The following OR52N4 variants were observed in gnomAD, a reference collection of about 807,000 sequenced individuals.
The protein encoded by OR52N4 is olfactory receptor family 52 subfamily N member 4.
OR52N4 carries 15 observed loss-of-function variants against 15.0 expected under a neutral mutation model. That is an observed-to-expected ratio of 1.00 (90% confidence interval 0.67 to 1.54). The LOEUF is 1.54. Ranked by LOEUF, OR52N4 falls within the 40% of genes most tolerant of loss-of-function variation. OR52N4 has a pLI of 0.00. For missense variants in OR52N4, 421 were observed against 394.0 expected, an observed-to-expected ratio of 1.07 and a Z score of -0.58; for synonymous variants, 143 against 143.7, an observed-to-expected ratio of 1.00 and a Z score of 0.03.
chr11:5,747,191 G>C, the OR52N4 span, among the ~76,000 whole-genome samples: 1 of 151,288 alleles, frequency 6.6e-6, no homozygotes, highest in Non-Finnish European at 1.5e-5. Context: ...AAATACATTG[G>C]TCAAAGGTAA....
In OR52N4 at chr11:5,754,999, T is replaced by C. The variant is rs1854270023; in HGVS notation, c.259T>C (p.Phe87Leu). Residue 87 changes from phenylalanine (F) to leucine (L), a missense_variant, in exon 2 of 2, where the codon TTC becomes CTC. Coordinates refer to ENST00000641350, the MANE Select transcript of OR52N4 (RefSeq NM_001005175.5). ...SSTIPKALCI[F>L]WFHLKDIGFD... ...TACAATCCCTAAAGCCCTCTGCATC[T>C]TCTGGTTTCATCTCAAGGACATTGG... The C allele has an allele frequency of 1.1e-5, 18 of 1,613,900 alleles. No individual in the cohort carries two copies. The highest frequency in any genetic ancestry group is 1.5e-5 in the Non-Finnish European group (18 of 1,179,964).
chr11:5,737,713 G>A, the OR52N4 span: 4 of 418,418 alleles, frequency 9.6e-6, no homozygotes, highest in South Asian at 1.7e-4. Context: ...AGAAATTTCT[G>A]CCAAATCAAA....
At chr11:5,729,276 C>A in the OR52N4 span, among the ~76,000 whole-genome samples, 1 of 151,752 alleles carries the variant, frequency 6.6e-6, no homozygotes, top group Non-Finnish European at 1.5e-5. Flanking sequence ...CCCGCCAACA[C>A]ACCCGGCTAA....
the OR52N4 span, chr11:5,736,540 C>T: frequency 6.2e-7 from 1 of 1,613,690 alleles, no homozygotes; most frequent in South Asian, 1.1e-5. Context: ...CTGCATCTCT[C>T]AAAATCTCCA....
Position 5,755,824 on chromosome 11 carries a change from A to G in OR52N4, c.*118A>G, listed in dbSNP as rs1452243990. ...ATTGATCACAAAATGGAGTTTGTTA[A>G]CTGGTGCATTCTCAATAAGTACCTT... On this transcript the variant is annotated 3_prime_UTR_variant, in exon 2 of 2. Coordinates refer to ENST00000641350, the MANE Select transcript of OR52N4 (RefSeq NM_001005175.5). 5.2e-6 allele frequency: 6 copies of G among 1,154,570 alleles called. No homozygotes were observed. Among genetic ancestry groups the G allele is most frequent in the Non-Finnish European group, 6.0e-6 (5 of 835,656 alleles). 71.5% of individuals were successfully genotyped at this position (1,154,570 alleles called of 1,614,324 possible).
chr11:5,742,923 T>C, the OR52N4 span, among the ~76,000 whole-genome samples: 17 of 152,126 alleles, frequency 1.1e-4, no homozygotes, highest in African/African-American at 4.1e-4. Flanking sequence ...ATGTACTAAA[T>C]GCTCCACTTA....
chr11:5,741,040 T>A, the OR52N4 span, among the ~76,000 whole-genome samples: 99 of 81,008 alleles, frequency 1.2e-3, 12 homozygotes, highest in African/African-American at 4.1e-3. Context: ...ACATGAGAGC[T>A]AACACTCTCA....
At chr11:5,737,383 C>A in the OR52N4 span, 3 of 1,614,094 alleles carry the variant, frequency 1.9e-6, no homozygotes, top group South Asian at 3.3e-5. Context: ...TGTTGCACAA[C>A]ATCATCCCCC....
At chr11:5,731,452 ATTG>A in the OR52N4 span, among the ~76,000 whole-genome samples, 1 of 152,226 alleles carries the variant, frequency 6.6e-6, no homozygotes, top group Non-Finnish European at 1.5e-5. Context: ...CACCTCCAGA[ATTG>A]TTGTGTACGT....
the OR52N4 span, among the ~76,000 whole-genome samples, chr11:5,747,541 A>C: frequency 1.3e-5 from 2 of 151,734 alleles, no homozygotes; most frequent in Non-Finnish European, 2.9e-5. Flanking sequence ...TATATATTAT[A>C]TTTCAAAACA....
chr11:5,749,490 T>G (rs1854144868), upstream of OR52N4, among the ~76,000 whole-genome samples: 1 of 151,978 alleles, frequency 6.6e-6, no homozygotes, highest in Non-Finnish European at 1.5e-5. Flanking sequence ...GGAATCCTTT[T>G]TTACTAGTGG....
chr11:5,727,757 C>T, the OR52N4 span, among the ~76,000 whole-genome samples: 1 of 152,134 alleles, frequency 6.6e-6, no homozygotes, highest in Admixed American at 6.5e-5. Context: ...CCTGCATAGC[C>T]ATAAGATCTC....
chr11:5,753,953 C>A (rs999087111), upstream of OR52N4, among the ~76,000 whole-genome samples: 3 of 137,708 alleles, frequency 2.2e-5, no homozygotes, highest in African/African-American at 8.3e-5. Flanking sequence ...TGCGCCACTG[C>A]ACTCCAGCCT....
At chr11:5,752,504 A>G (rs535000870), upstream of OR52N4, among the ~76,000 whole-genome samples, 1 of 152,270 alleles carries the variant, frequency 6.6e-6, no homozygotes, top group East Asian at 1.9e-4. Flanking sequence ...CATGATTCCT[A>G]TGGTGTTAAT....
chr11:5,733,310 G>A, the OR52N4 span, among the ~76,000 whole-genome samples: 1 of 152,012 alleles, frequency 6.6e-6, no homozygotes, highest in South Asian at 2.1e-4. Flanking sequence ...TCACCTTGAG[G>A]TTACCTTGTT....
At chr11:5,747,077 C>CAAAAAAAAA in the OR52N4 span, among the ~76,000 whole-genome samples, 1 of 57,260 alleles carries the variant, frequency 1.7e-5, no homozygotes, top group African/African-American at 7.5e-5. Flanking sequence ...GTAAAAATAC[C>CAAAAAAAAA]AAAAAAAAAA....
At chr11:5,740,677 C>T in the OR52N4 span, among the ~76,000 whole-genome samples, 48 of 125,482 alleles carry the variant, frequency 3.8e-4, 11 homozygotes, top group Admixed American at 1.4e-3. Flanking sequence ...TGTGGTGGCG[C>T]GTGCCTATAG....
chr11:5,737,759 CTT>C, the OR52N4 span: 1 of 305,716 alleles, frequency 3.3e-6, no homozygotes, highest in African/African-American at 2.1e-5. Flanking sequence ...ATATCTATCT[CTT>C]AAAATAAAAA....
the OR52N4 span, chr11:5,736,206 T>G: frequency 6.9e-6 from 2 of 290,272 alleles, no homozygotes; most frequent in Non-Finnish European, 1.3e-5. Context: ...AAGTCCATGA[T>G]ATCAAAATTT....
Sources: allele counts gnomAD v4.1 joint callset (sites outside exome capture counted in the v4.1 genomes callset), GRCh38; gene constraint gnomAD v4.1.1; transcripts MANE v1.5; gene names NCBI Gene and HGNC (gene_info 2026-07-23, HGNC 2026-07-21).